The following ZDHHC11 variants were observed in gnomAD, a reference collection of about 807,000 sequenced individuals.
The protein encoded by ZDHHC11 is zDHHC palmitoyltransferase 11.
Under a neutral mutation model 51.3 loss-of-function variants are expected in ZDHHC11, and 44 were observed. The ratio of observed to expected loss-of-function variants is 0.86; its 90% CI spans 0.67 to 1.10. The LOEUF (loss-of-function observed/expected upper bound fraction) is 1.10, where lower values mean the gene tolerates loss of function less well. Among genes scored for constraint, ZDHHC11 ranks in the 50% least tolerant of loss-of-function variants. The pLI is 0.00. For synonymous variants in ZDHHC11, 163 were observed against 222.0 expected, an observed-to-expected ratio of 0.73 and a Z score of 2.36; for missense variants, 400 against 537.7, an observed-to-expected ratio of 0.74 and a Z score of 2.53.
rs605088 is a variant in ZDHHC11 at position 833,800 on chromosome 5, G to A, written c.908C>T (p.Ala303Val). Residue 303 changes from alanine to valine, a missense_variant, in exon 7 of 13, where the codon GCT becomes GTT. Physicochemically the swap from Ala to Val is moderately conservative, Grantham distance 64. Coordinates refer to ENST00000283441, the MANE Select transcript of ZDHHC11 (RefSeq NM_024786.3). Reference sequence around the variant, plus strand: ...CTGTGCAGATGAGCCCAGGGCGCCAGCTCCTTGCTGTGGGGCAAAAGAAAA... The same window carrying A: ...CTGTGCAGATGAGCCCAGGGCGCCAACTCCTTGCTGTGGGGCAAAAGAAAA... ...QMDKGVLQQG[A>V]GALGSSAQGV... 3 of 1,260,610 alleles carry A rather than the reference G, an allele frequency of 2.4e-6. No homozygotes were observed. In the Admixed American group the frequency reaches 6.5e-5, roughly 27 times the overall value. 78.1% of individuals were successfully genotyped at this position (1,260,610 alleles called of 1,614,324 possible).
At chr5:829,530 C>CATCCAAAGA (rs1561263837) in intron 7 of ZDHHC11, among the ~76,000 whole-genome samples, 1 of 151,592 alleles carries the variant, frequency 6.6e-6, no homozygotes, top group Non-Finnish European at 1.5e-5. Context: ...CTAAAATATC[C>CATCCAAAGA]AGGATGTATT....
chr5:842,353 G>C (rs534785860), intron 4 of ZDHHC11: 1 of 985,488 alleles, frequency 1.0e-6, no homozygotes, highest in Non-Finnish European at 1.2e-6. Context: ...TGAGGTCAGG[G>C]CCTCGCCAGG....
At chr5:837,003 G>A (rs1041820139) in intron 6 of ZDHHC11, among the ~76,000 whole-genome samples, 22 of 151,506 alleles carry the variant, frequency 1.5e-4, no homozygotes, top group Admixed American at 1.3e-3. Context: ...GCTACAATGA[G>A]CTGAGATTTC....
upstream of ZDHHC11, among the ~76,000 whole-genome samples, chr5:852,066 AAAAG>A (rs571096531): frequency 0.019 from 2,711 of 141,990 alleles, 77 homozygotes; most frequent in African/African-American, 0.063. Flanking sequence ...AAAAAAAAAA[AAAAG>A]AAAGAAAGAA....
At chr5:796,789 C>T (rs1165593014) in intron 12 of ZDHHC11, among the ~76,000 whole-genome samples, 2 of 152,200 alleles carry the variant, frequency 1.3e-5, no homozygotes, top group Non-Finnish European at 2.9e-5. Context: ...GGCTCCTGCC[C>T]TCCCCATCCT....
chr5:840,030 C>G, intron 5 of ZDHHC11: 1 of 593,240 alleles, frequency 1.7e-6, no homozygotes, highest in Admixed American at 3.0e-5. Flanking sequence ...ACTGTGAGAC[C>G]AAGCAAGACC....
chr5:798,352 A>T (rs1459792991), intron 12 of ZDHHC11, among the ~76,000 whole-genome samples: 1 of 151,196 alleles, frequency 6.6e-6, no homozygotes, highest in Non-Finnish European at 1.5e-5. Context: ...ATGTCTCCTC[A>T]GTTCATTAAT....
At position 819,630 on chromosome 5, in the gene ZDHHC11, AG is replaced by A; in HGVS notation, c.1059-19del. On this transcript the variant is annotated intron_variant, in intron 9 of 12. Coordinates refer to ENST00000283441, the MANE Select transcript of ZDHHC11 (RefSeq NM_024786.3). Reference sequence around the variant, plus strand: ...CCTTGGCTCTGGTGGGGCAAACAGAAGGAAAGAAACACACCACAGTTTTGTA... The same window carrying A: ...CCTTGGCTCTGGTGGGGCAAACAGAAGAAAGAAACACACCACAGTTTTGTA... 1 of 1,607,282 alleles carries A rather than the reference AG, an allele frequency of 6.2e-7. No individual in the cohort carries two copies. The highest frequency in any genetic ancestry group is 8.5e-7 in the Non-Finnish European group (1 of 1,174,584).
intron 3 of ZDHHC11, among the ~76,000 whole-genome samples, chr5:844,524 C>G (rs1183658195): frequency 2.0e-5 from 3 of 152,078 alleles, no homozygotes; most frequent in African/African-American, 7.2e-5. Context: ...CCAAGGAGCA[C>G]GCGGGCTCGG....
chr5:828,791 A>G (rs1181689888), intron 7 of ZDHHC11, among the ~76,000 whole-genome samples: 1 of 147,270 alleles, frequency 6.8e-6, no homozygotes, highest in Non-Finnish European at 1.5e-5. Flanking sequence ...AGTCAGAATT[A>G]CATCAAGTAT....
chr5:801,940 G>A (rs758971930), intron 11 of ZDHHC11, among the ~76,000 whole-genome samples: 3 of 151,474 alleles, frequency 2.0e-5, no homozygotes, highest in Non-Finnish European at 4.4e-5. Flanking sequence ...ATCCATAAAT[G>A]AGTAAGGACA....
At chr5:829,182 CA>C (rs765529783) in intron 7 of ZDHHC11, among the ~76,000 whole-genome samples, 3 of 147,802 alleles carry the variant, frequency 2.0e-5, no homozygotes, top group African/African-American at 7.5e-5. Flanking sequence ...AACAAAAAAA[CA>C]AAAAAACCAC....
intron 3 of ZDHHC11, among the ~76,000 whole-genome samples, chr5:846,727 AG>A (rs1746246701): frequency 6.9e-6 from 1 of 145,326 alleles, no homozygotes; most frequent in Admixed American, 6.8e-5. Flanking sequence ...CACCATGCTC[AG>A]GGGAAACACC....
chr5:829,632 C>G (rs1742815350), intron 7 of ZDHHC11, among the ~76,000 whole-genome samples: 1 of 151,474 alleles, frequency 6.6e-6, no homozygotes, highest in Non-Finnish European at 1.5e-5. Flanking sequence ...GTCCATAAAT[C>G]ATTCCATGAA....
intron 10 of ZDHHC11, 43 bp from the exon 11 acceptor site, chr5:814,838 C>G: frequency 3.4e-6 from 5 of 1,492,268 alleles, no homozygotes; most frequent in Non-Finnish European, 4.5e-6. Flanking sequence ...TGAACAAAGA[C>G]CTTGTTGACA....
rs777492552 is a variant in ZDHHC11, at chr5:837,357, G to T, written c.900+8C>A. 4 of 1,613,622 alleles carry T rather than the reference G, an allele frequency of 2.5e-6. No individual in the cohort carries two copies. In the African/African-American group the frequency reaches 5.3e-5, roughly 22 times the overall value. ...CCTGGAGAAATGGAGCAGAGAGACA[G>T]GTGGTACCTGGAGAACTCCTTTGTC... On this transcript the variant is annotated splice_region_variant and intron_variant, in intron 6 of 12. Coordinates refer to ENST00000283441, the MANE Select transcript of ZDHHC11 (RefSeq NM_024786.3).
chr5:859,539 G>T (rs542507611), upstream of ZDHHC11, among the ~76,000 whole-genome samples: 1 of 152,188 alleles, frequency 6.6e-6, no homozygotes, highest in Non-Finnish European at 1.5e-5. Context: ...AGGAGGAACC[G>T]GGGGAGGGAC....
At position 850,794 on chromosome 5, in the gene ZDHHC11, C is replaced by A. The variant is rs1470277573; in HGVS notation, c.-192G>T. 7 of 687,270 alleles carry A rather than the reference C, an allele frequency of 1.0e-5. No homozygotes were observed. The African/African-American group carries it at 1.1e-4, about 11-fold the overall frequency. 42.6% of individuals were successfully genotyped at this position (687,270 alleles called of 1,614,324 possible). On this transcript the variant is annotated 5_prime_UTR_variant, in exon 1 of 13. Coordinates refer to ENST00000283441, the MANE Select transcript of ZDHHC11 (RefSeq NM_024786.3). ...GCTGGGCTGGAGTCGGTGCAGGGCCCCGCCCAGGGGAATGAACAGACATGC... is the reference window on the plus strand; with the variant it reads ...GCTGGGCTGGAGTCGGTGCAGGGCCACGCCCAGGGGAATGAACAGACATGC...
upstream of ZDHHC11, among the ~76,000 whole-genome samples, chr5:853,015 G>C (rs1477153100): frequency 1.4e-5 from 2 of 148,084 alleles, no homozygotes; most frequent in Admixed American, 6.7e-5. Flanking sequence ...AGACCCCATG[G>C]AGGACAGCGA....
Sources: allele counts gnomAD v4.1 joint callset (sites outside exome capture counted in the v4.1 genomes callset), GRCh38; gene constraint gnomAD v4.1.1; transcripts MANE v1.5; gene names NCBI Gene and HGNC (gene_info 2026-07-23, HGNC 2026-07-21).